THSD7B: variants seen among roughly 807,000 people sequenced by gnomAD.
THSD7B encodes the protein thrombospondin type-1 domain-containing protein 7B.
In THSD7B, 138 loss-of-function variants were observed where a neutral mutation model predicts 213.6. The ratio of observed to expected loss-of-function variants is 0.65; its 90% CI spans 0.56 to 0.74. THSD7B has a LOEUF of 0.74. Ranked by LOEUF, THSD7B falls within the 30% of genes least tolerant of loss-of-function variation. The pLI is 0.00. For synonymous variants in THSD7B, 742 were observed against 687.0 expected, an observed-to-expected ratio of 1.08 and a Z score of -1.25; for missense variants, 1,931 against 1,991.5, an observed-to-expected ratio of 0.97 and a Z score of 0.58.
intron 15 of THSD7B, among the ~76,000 whole-genome samples, chr2:137,512,641 G>T (rs187046239): frequency 6.6e-6 from 1 of 151,952 alleles, no homozygotes; most frequent in African/African-American, 2.4e-5. Context: ...TGATCTGTCT[G>T]CCTCAGCCTC....
intron 1 of THSD7B, among the ~76,000 whole-genome samples, chr2:136,788,656 G>A (rs1334457685): frequency 6.6e-6 from 1 of 152,066 alleles, no homozygotes; most frequent in African/African-American, 2.4e-5. Flanking sequence ...TAGAACTAAA[G>A]CAGGATAAAT....
At chr2:137,204,505 A>G (rs2105027323) in intron 7 of THSD7B, among the ~76,000 whole-genome samples, 1 of 152,216 alleles carries the variant, frequency 6.6e-6, no homozygotes, top group Admixed American at 6.5e-5. Flanking sequence ...GAGATCTGAG[A>G]TTACAGGTGA....
intron 14 of THSD7B, among the ~76,000 whole-genome samples, chr2:137,440,011 G>A (rs932850404): frequency 6.6e-5 from 10 of 152,038 alleles, no homozygotes; most frequent in Admixed American, 5.9e-4. Flanking sequence ...AATGAAGAAC[G>A]CTTCCATCTA....
intron 2 of THSD7B, among the ~76,000 whole-genome samples, chr2:136,968,854 C>A (rs1685361730): frequency 6.6e-6 from 1 of 152,202 alleles, no homozygotes; most frequent in African/African-American, 2.4e-5. Flanking sequence ...ACTTTGCAAC[C>A]AGACTCACAT....
intron 12 of THSD7B, among the ~76,000 whole-genome samples, chr2:137,300,532 C>T (rs887599371): frequency 6.6e-6 from 1 of 152,088 alleles, no homozygotes; most frequent in African/African-American, 2.4e-5. Context: ...TGCATTAATA[C>T]ATATCCACAT....
At chr2:136,879,234 T>A (rs1683577000) in intron 1 of THSD7B, among the ~76,000 whole-genome samples, 1 of 152,194 alleles carries the variant, frequency 6.6e-6, no homozygotes, top group Non-Finnish European at 1.5e-5. Flanking sequence ...TGTAGATGTG[T>A]GGCATTATTT....
chr2:137,275,970 T>G lies in THSD7B; in HGVS notation c.2444T>G (p.Val815Gly). 6.2e-7 allele frequency: 1 copy of G among 1,612,364 alleles called. No homozygotes were observed. The change falls in exon 12 of 28, where the codon GTC (valine) becomes GGC (glycine). Residue 815 changes from valine to glycine, a missense_variant. Val to Gly is a moderately radical substitution (Grantham distance 109, BLOSUM62 -3). Coordinates refer to ENST00000409968, the MANE Select transcript of THSD7B (RefSeq NM_001316349.2). Reference sequence around the variant, plus strand: ...CCTTGCATCTTAGTGCCAGAGTCTGTCTGGCAGGGAATAACGGGCAGCAGT... The same window carrying G: ...CCTTGCATCTTAGTGCCAGAGTCTGGCTGGCAGGGAATAACGGGCAGCAGT... ...WSPCILVPES[V>G]WQGITGSSEA...
At chr2:137,372,562 G>C (rs954044075) in intron 12 of THSD7B, among the ~76,000 whole-genome samples, 1 of 151,892 alleles carries the variant, frequency 6.6e-6, no homozygotes, top group Non-Finnish European at 1.5e-5. Flanking sequence ...TTTCAAAGTA[G>C]GGGCTTCCAA....
chr2:137,324,855 C>T (rs1039141107), intron 12 of THSD7B, among the ~76,000 whole-genome samples: 7 of 152,176 alleles, frequency 4.6e-5, no homozygotes, highest in African/African-American at 9.7e-5. Flanking sequence ...ATTACTGACC[C>T]GTTTCTGAGG....
intron 1 of THSD7B, among the ~76,000 whole-genome samples, chr2:136,837,890 G>T (rs1418264780): frequency 1.3e-5 from 2 of 152,134 alleles, no homozygotes; most frequent in Non-Finnish European, 2.9e-5. Flanking sequence ...CATTTAAGAG[G>T]CAGTCAAAAT....
At chr2:137,546,350 C>CATATATATATATTATATATATATATA (rs1387047838) in intron 15 of THSD7B, among the ~76,000 whole-genome samples, 1 of 61,382 alleles carries the variant, frequency 1.6e-5, no homozygotes, top group Non-Finnish European at 3.0e-5. Flanking sequence ...TTGAAGTCAG[C>CATATATATATATTATATATATATATA]ATATATATAT....
Position 137,156,989 on chromosome 2 carries a change from G to A in THSD7B, c.1370-3224G>A, listed in dbSNP as rs116624096. Reference sequence around the variant, plus strand: ...GTAATACAGCTTTCCAGTCTTATTAGGATTTGTGGACCCATATACAATTAA... The same window carrying A: ...GTAATACAGCTTTCCAGTCTTATTAAGATTTGTGGACCCATATACAATTAA... On this transcript the variant is annotated intron_variant, in intron 5 of 27. Coordinates refer to ENST00000409968, the MANE Select transcript of THSD7B (RefSeq NM_001316349.2). 2.2e-3 allele frequency among the ~76,000 whole-genome samples: 335 copies of A among 152,252 alleles called. 4 individuals carry two copies. The highest frequency in any genetic ancestry group is 7.6e-3 in the African/African-American group (315 of 41,534).
chr2:137,325,477 G>T (rs1316418917), intron 12 of THSD7B, among the ~76,000 whole-genome samples: 1 of 151,992 alleles, frequency 6.6e-6, no homozygotes, highest in Non-Finnish European at 1.5e-5. Flanking sequence ...GCCTGACCGT[G>T]GTGGAATTAT....
At chr2:137,538,312 G>A (rs576982138) in intron 15 of THSD7B, among the ~76,000 whole-genome samples, 23 of 151,702 alleles carry the variant, frequency 1.5e-4, no homozygotes, top group Admixed American at 2.6e-4. Context: ...TATTTTGCTC[G>A]AGACTGGGAG....
chr2:137,609,097 T>C (rs1682240597), intron 17 of THSD7B, among the ~76,000 whole-genome samples: 1 of 152,212 alleles, frequency 6.6e-6, no homozygotes, highest in African/African-American at 2.4e-5. Flanking sequence ...ATAAATATTC[T>C]CTCTACTTGA....
chr2:137,355,733 C>T (rs1685111834), intron 12 of THSD7B, among the ~76,000 whole-genome samples: 4 of 152,188 alleles, frequency 2.6e-5, no homozygotes, highest in African/African-American at 7.2e-5. Flanking sequence ...TGAGTCCTAG[C>T]TCAGCTGTGT....
intron 7 of THSD7B, among the ~76,000 whole-genome samples, chr2:137,198,612 C>T (rs1297257682): frequency 2.0e-5 from 3 of 152,092 alleles, no homozygotes; most frequent in Non-Finnish European, 4.4e-5. Flanking sequence ...TCTTCCCCTC[C>T]ACTACATATA....
intron 1 of THSD7B, among the ~76,000 whole-genome samples, chr2:136,822,908 A>T (rs143713721): frequency 6.6e-6 from 1 of 152,156 alleles, no homozygotes; most frequent in Non-Finnish European, 1.5e-5. Flanking sequence ...CATTAATGAA[A>T]TTGTTTATTC....
intron 7 of THSD7B, among the ~76,000 whole-genome samples, chr2:137,212,184 G>T (rs1157448388): frequency 1.3e-5 from 2 of 151,764 alleles, no homozygotes; most frequent in African/African-American, 4.8e-5. Flanking sequence ...ACTACCTTTG[G>T]CTTCACTTAC....
Sources: gnomAD v4.1 joint callset for allele counts (sites outside exome capture counted in the v4.1 genomes callset) on GRCh38, gnomAD v4.1.1 for gene constraint, MANE v1.5 for transcripts, NCBI Gene and HGNC (gene_info 2026-07-23, HGNC 2026-07-21) for gene names.